RASGRF2: variants seen among roughly 807,000 people sequenced by gnomAD.
RASGRF2 encodes the protein Ras protein specific guanine nucleotide releasing factor 2.
A neutral mutation model predicts 151.0 loss-of-function variants in RASGRF2; 76 were observed. The ratio of observed to expected loss-of-function variants is 0.50; its 90% CI spans 0.42 to 0.61. The LOEUF (loss-of-function observed/expected upper bound fraction) is 0.61. Among genes scored for constraint, RASGRF2 ranks in the 20% least tolerant of loss-of-function variants. The pLI, the probability that RASGRF2 is intolerant of heterozygous loss-of-function variation, is 0.00. For missense variants in RASGRF2, 1,148 were observed against 1,564.6 expected (o/e 0.73, Z 4.49); for synonymous variants, 504 against 566.5 (o/e 0.89, Z 1.57).
chr5:81,217,830 C>T (rs1375816889), intron 25 of RASGRF2, among the ~76,000 whole-genome samples: 2 of 151,498 alleles, frequency 1.3e-5, no homozygotes, highest in Non-Finnish European at 2.9e-5. Flanking sequence ...GCAAGCTCCG[C>T]CTCCCGGGTT....
chr5:81,204,324 C>T (rs964529980), intron 19 of RASGRF2: 3 of 152,304 alleles, frequency 2.0e-5, no homozygotes, highest in African/African-American at 7.2e-5. Context: ...CAGGCTATGA[C>T]TGTGAGAGAT....
In RASGRF2 at chr5:81,073,420, C is replaced by A. The variant is rs1320703471; in HGVS notation, c.855C>A (p.Ser285Arg). The A allele has an allele frequency of 6.2e-7, 1 of 1,613,990 alleles. No individual in the cohort carries two copies. The highest frequency in any genetic ancestry group is 8.5e-7 in the Non-Finnish European group (1 of 1,180,022). ...CCAGCTCCAAGAAGCCCCCCATCAG[C>A]CACGACGACGTCAGCAGTATTTTTC... ...MAASSKKPPI[S>R]HDDVSSIFLN... The change falls in exon 5 of 27, where the codon AGC becomes AGA. Residue 285 changes from serine to arginine, a missense_variant. Ser to Arg is a moderately radical substitution (Grantham distance 110, BLOSUM62 -1). Coordinates refer to ENST00000265080, the MANE Select transcript of RASGRF2 (RefSeq NM_006909.3).
At chr5:81,045,387 G>A (rs1030512370) in intron 2 of RASGRF2, among the ~76,000 whole-genome samples, 2 of 152,138 alleles carry the variant, frequency 1.3e-5, no homozygotes, top group Non-Finnish European at 2.9e-5. Flanking sequence ...AAGATGATTA[G>A]ATTCCAAGTA....
intron 7 of RASGRF2, among the ~76,000 whole-genome samples, chr5:81,083,561 A>G (rs776558708): frequency 1.3e-5 from 2 of 152,232 alleles, no homozygotes; most frequent in Non-Finnish European, 2.9e-5. Flanking sequence ...ATGATGCAGT[A>G]AAATTATCCC....
chr5:81,168,503 G>A (rs1580375428), intron 17 of RASGRF2, among the ~76,000 whole-genome samples: 1 of 151,768 alleles, frequency 6.6e-6, no homozygotes, highest in African/African-American at 2.4e-5. Flanking sequence ...TAGAGTTGGG[G>A]TTTCACCATA....
intron 18 of RASGRF2, among the ~76,000 whole-genome samples, chr5:81,184,216 G>A (rs181161134): frequency 2.2e-3 from 333 of 152,338 alleles, no homozygotes; most frequent in Non-Finnish European, 3.4e-3. Context: ...AGTAAAGGAA[G>A]TGTTTTCATT....
At chr5:80,962,651 T>TA (rs1747600405) in intron 1 of RASGRF2, among the ~76,000 whole-genome samples, 1 of 152,134 alleles carries the variant, frequency 6.6e-6, no homozygotes, top group African/African-American at 2.4e-5. Context: ...TGTTACCTGT[T>TA]ACAATTCATA....
intron 17 of RASGRF2, among the ~76,000 whole-genome samples, chr5:81,131,240 G>A (rs1753610334): frequency 6.6e-6 from 1 of 152,168 alleles, no homozygotes; most frequent in Non-Finnish European, 1.5e-5. Context: ...CGGGGGCAAG[G>A]AAAACTGATT....
chr5:80,969,305 A>G lies in RASGRF2; in HGVS notation c.288+8279A>G, dbSNP rs573050438. Among the ~76,000 whole-genome samples, 3 of 149,480 alleles carry G rather than the reference A, an allele frequency of 2.0e-5. No homozygotes were observed. In the South Asian group the frequency reaches 6.4e-4, roughly 32 times the overall value. Reference sequence around the variant, plus strand: ...ACCACCACACCCGGCTAACTTTTGCATTCTTTTTTTAGTAGAGACAGGGTT... The same window carrying G: ...ACCACCACACCCGGCTAACTTTTGCGTTCTTTTTTTAGTAGAGACAGGGTT... On this transcript the variant is annotated intron_variant, in intron 1 of 26. Coordinates refer to ENST00000265080, the MANE Select transcript of RASGRF2 (RefSeq NM_006909.3).
rs537930286 is a variant in RASGRF2 at position 81,139,280 on chromosome 5, C to G, written c.2686+12117C>G. On this transcript the variant is annotated intron_variant, in intron 17 of 26. Coordinates refer to ENST00000265080, the MANE Select transcript of RASGRF2 (RefSeq NM_006909.3). ...TTGCTAAATTCATTTATTAGTTCTA[C>G]TAGGTTTGTTTTCAAAGATTCTTTA... Among the ~76,000 whole-genome samples, 6 of 152,150 alleles carry G rather than the reference C, an allele frequency of 3.9e-5. No homozygotes were observed. In the South Asian group the frequency reaches 1.2e-3, roughly 32 times the overall value.
chr5:81,152,755 A>G (rs1365841280), intron 17 of RASGRF2, among the ~76,000 whole-genome samples: 1 of 152,238 alleles, frequency 6.6e-6, no homozygotes, highest in African/African-American at 2.4e-5. Context: ...GCTTTTATTC[A>G]GGAGAAAGTA....
intron 17 of RASGRF2, among the ~76,000 whole-genome samples, chr5:81,159,559 G>A (rs977560259): frequency 6.6e-6 from 1 of 152,288 alleles, no homozygotes; most frequent in Admixed American, 6.5e-5. Context: ...TGCCTGGCTT[G>A]GGGGTGGGAA....
Position 81,034,918 on chromosome 5 carries a change from G to A in RASGRF2, c.289-7959G>A, listed in dbSNP as rs534936856. ...CATATGTAACAAACCTGCACATTGTGCACATGTACCCTAAAACTTAAAGTA... is the reference window on the plus strand; with the variant it reads ...CATATGTAACAAACCTGCACATTGTACACATGTACCCTAAAACTTAAAGTA... On this transcript the variant is annotated intron_variant, in intron 1 of 26. Transcript: ENST00000265080. Among the ~76,000 whole-genome samples, 5 of 151,856 alleles carry A rather than the reference G, an allele frequency of 3.3e-5. No individual in the cohort carries two copies. The East Asian group carries it at 9.7e-4, about 29-fold the overall frequency.
chr5:81,106,146 T>C (rs1436985464), intron 12 of RASGRF2, among the ~76,000 whole-genome samples: 2 of 152,236 alleles, frequency 1.3e-5, no homozygotes, highest in African/African-American at 2.4e-5. Context: ...GTTTTTTTCC[T>C]TTTAAATATA....
chr5:81,225,632 T>A (rs1755956328), intron 26 of RASGRF2, 46 bp from the exon 27 acceptor site: 1 of 1,604,668 alleles, frequency 6.2e-7, no homozygotes, highest in East Asian at 2.3e-5. Flanking sequence ...ATGTACGCAC[T>A]GGTGTCTGAA....
intron 23 of RASGRF2, among the ~76,000 whole-genome samples, chr5:81,214,197 A>C (rs1015617025): frequency 1.3e-5 from 2 of 152,244 alleles, no homozygotes; most frequent in African/African-American, 4.8e-5. Context: ...AGATGATGAG[A>C]CTAATATTGA....
At chr5:80,991,000 A>T (rs559181) in intron 1 of RASGRF2, among the ~76,000 whole-genome samples, 68,877 of 152,000 alleles carry the variant, frequency 0.45, 16,018 homozygotes, top group South Asian at 0.65. Context: ...CTCATTTTTC[A>T]TATCACTGTA....
intron 22 of RASGRF2, among the ~76,000 whole-genome samples, chr5:81,211,177 G>A (rs183208427): frequency 6.7e-5 from 10 of 149,412 alleles, no homozygotes; most frequent in African/African-American, 2.2e-4. Flanking sequence ...CAGTGCAGGC[G>A]TGACCTCTTC....
chr5:81,167,045 C>A (rs927505064), intron 17 of RASGRF2, among the ~76,000 whole-genome samples: 1 of 152,086 alleles, frequency 6.6e-6, no homozygotes, highest in Admixed American at 6.6e-5. Context: ...GGGTCTTCCC[C>A]GAGTGAAGAG....
Sources: gnomAD v4.1 joint callset for allele counts (sites outside exome capture counted in the v4.1 genomes callset) on GRCh38, gnomAD v4.1.1 for gene constraint, MANE v1.5 for transcripts, NCBI Gene and HGNC (gene_info 2026-07-23, HGNC 2026-07-21) for gene names.